Variants in FUT9 observed in about 807,000 individuals in gnomAD.
FUT9 encodes the protein 4-galactosyl-N-acetylglucosaminide 3-alpha-L-fucosyltransferase 9.
Under a neutral mutation model 29.7 loss-of-function variants are expected in FUT9, and 15 were observed. The observed-to-expected ratio is 0.51, with a 90% CI of 0.34 to 0.78. The LOEUF (loss-of-function observed/expected upper bound fraction) is 0.78. Among genes scored for constraint, FUT9 ranks in the 30% least tolerant of loss-of-function variants. The pLI is 0.01. For missense variants in FUT9, 319 were observed against 425.4 expected, an observed-to-expected ratio of 0.75 and a Z score of 2.20; for synonymous variants, 169 against 153.7, an observed-to-expected ratio of 1.10 and a Z score of -0.74.
At chr6:96,169,336 G>A (rs970432901) in intron 2 of FUT9, among the ~76,000 whole-genome samples, 1 of 152,130 alleles carries the variant, frequency 6.6e-6, no homozygotes, top group Non-Finnish European at 1.5e-5. Context: ...TCATTATCAT[G>A]GAGGATAAGG....
chr6:96,159,324 G>T (rs1772852040), intron 2 of FUT9, among the ~76,000 whole-genome samples: 1 of 152,046 alleles, frequency 6.6e-6, no homozygotes, highest in South Asian at 2.1e-4. Flanking sequence ...AATTGATGTT[G>T]ATCCCTCTGA....
rs540105644 is a variant in FUT9 at position 96,139,189 on chromosome 6, C to A, written c.-9+25062C>A. ...ACCTGTTCCAAGTGGGAGAAAATGG[C>A]CAAAATGAAGGGCCTGCAGGCCCCA... On this transcript the variant is annotated intron_variant, in intron 2 of 2. Coordinates refer to ENST00000302103, the MANE Select transcript of FUT9 (RefSeq NM_006581.4). 3.7e-4 allele frequency among the ~76,000 whole-genome samples: 57 copies of A among 152,138 alleles called. No homozygotes were observed. In the South Asian group the frequency reaches 0.011, roughly 31 times the overall value.
Position 96,066,368 on chromosome 6 carries a change from A to G in FUT9, c.-97-47671A>G, listed in dbSNP as rs80313041. Among the ~76,000 whole-genome samples the G allele has an allele frequency of 9.6e-3, 1,464 of 152,108 alleles. 16 individuals carry two copies. The highest frequency in any genetic ancestry group is 0.015 in the Non-Finnish European group (1,003 of 67,946). The stretch of plus-strand genomic sequence containing the variant: ...AAAATCTAGAACTAAGGGGAATGAT[A>G]ATCAGAATTATTTTATTATAAGCAT... On this transcript the variant is annotated intron_variant, in intron 1 of 2. Coordinates refer to ENST00000302103, the MANE Select transcript of FUT9 (RefSeq NM_006581.4).
intron 1 of FUT9, among the ~76,000 whole-genome samples, chr6:96,036,266 A>T (rs1770363963): frequency 6.6e-6 from 1 of 151,226 alleles, no homozygotes; most frequent in South Asian, 2.1e-4. Context: ...GTTCTTTAAA[A>T]TAATATTTGA....
chr6:96,142,860 A>C (rs1772490646), intron 2 of FUT9, among the ~76,000 whole-genome samples: 2 of 152,106 alleles, frequency 1.3e-5, no homozygotes, highest in Non-Finnish European at 2.9e-5. Context: ...AAGAGCATAT[A>C]GTGGAGAATA....
At chr6:96,188,666 A>C (rs1773448388) in intron 2 of FUT9, among the ~76,000 whole-genome samples, 1 of 149,804 alleles carries the variant, frequency 6.7e-6, no homozygotes, top group African/African-American at 2.4e-5. Context: ...TGTGTGTTTA[A>C]ACACATGCAC....
intron 2 of FUT9, among the ~76,000 whole-genome samples, chr6:96,153,710 G>GAT (rs1562144693): frequency 6.6e-6 from 1 of 152,134 alleles, no homozygotes; most frequent in African/African-American, 2.4e-5. Context: ...AACCTCCTGA[G>GAT]ATCTCTCATT....
intron 1 of FUT9, among the ~76,000 whole-genome samples, chr6:96,065,165 C>A (rs939332836): frequency 6.6e-6 from 1 of 152,092 alleles, no homozygotes; most frequent in Non-Finnish European, 1.5e-5. Context: ...TCTAGGTAGA[C>A]TTGGCCAAAT....
rs570872346 is a variant in FUT9, at chr6:96,203,392, T to C, written c.237T>C (p.Leu79=). 9 of 1,611,336 alleles carry C rather than the reference T, an allele frequency of 5.6e-6. No individual in the cohort carries two copies. The Admixed American group carries it at 6.7e-5, about 12-fold the overall frequency. The change falls in exon 3 of 3, where the codon CTT becomes CTC. Residue 79 remains leucine (L), a synonymous_variant. Transcript: ENST00000302103. ...WVWPFGQTFD[L]TSCQAMFNIQ... is the part of the protein sequence containing the mutation. ...GGCCATTTGGGCAGACCTTTGACCTTACATCCTGCCAAGCAATGTTCAACA... is the reference window on the plus strand; with the variant it reads ...GGCCATTTGGGCAGACCTTTGACCTCACATCCTGCCAAGCAATGTTCAACA...
At chr6:96,142,936 A>G (rs1772491797) in intron 2 of FUT9, among the ~76,000 whole-genome samples, 1 of 152,138 alleles carries the variant, frequency 6.6e-6, no homozygotes, top group Admixed American at 6.5e-5. Context: ...TAATTTTAAA[A>G]ACTATTTTTA....
rs538212710 is a variant in FUT9, at chr6:96,099,608, A to T, written c.-97-14431A>T. Among the ~76,000 whole-genome samples the T allele has an allele frequency of 1.2e-3, 182 of 152,292 alleles. 1 individual carries two copies. Among genetic ancestry groups the T allele is most frequent in the African/African-American group, 4.2e-3 (174 of 41,576 alleles). On this transcript the variant is annotated intron_variant, in intron 1 of 2. Coordinates refer to ENST00000302103, the MANE Select transcript of FUT9 (RefSeq NM_006581.4). ...AAAATCACAGTGTTCCTGAATATTT[A>T]TGCAATCTTCTATATAAAATTTACT...
At chr6:96,021,063 A>G (rs921596347) in intron 1 of FUT9, 1 of 152,072 alleles carries the variant, frequency 6.6e-6, no homozygotes, top group Non-Finnish European at 1.5e-5. Context: ...ATGAGACACC[A>G]GCTGCTTTAA....
chr6:96,121,137 A>G (rs1772019954), intron 2 of FUT9, among the ~76,000 whole-genome samples: 1 of 152,182 alleles, frequency 6.6e-6, no homozygotes, highest in East Asian at 1.9e-4. Flanking sequence ...TAAAAAATTA[A>G]CATTAATTTA....
chr6:96,049,490 C>T (rs1462105436), intron 1 of FUT9, among the ~76,000 whole-genome samples: 1 of 152,216 alleles, frequency 6.6e-6, no homozygotes, highest in African/African-American at 2.4e-5. Context: ...TTTCTTACAT[C>T]TTCCACATCT....
intron 2 of FUT9, among the ~76,000 whole-genome samples, chr6:96,201,291 C>G (rs575131366): frequency 6.6e-6 from 1 of 151,880 alleles, no homozygotes; most frequent in Non-Finnish European, 1.5e-5. Flanking sequence ...AATTTTTCAA[C>G]ATAAAATTAC....
intron 2 of FUT9, among the ~76,000 whole-genome samples, chr6:96,197,006 T>C (rs1300736727): frequency 6.6e-6 from 1 of 152,142 alleles, no homozygotes. Flanking sequence ...TTCTAGTTTC[T>C]ACTGCTTGCT....
intron 1 of FUT9, among the ~76,000 whole-genome samples, chr6:96,068,455 T>C (rs1265792783): frequency 6.6e-6 from 1 of 152,200 alleles, no homozygotes; most frequent in Non-Finnish European, 1.5e-5. Context: ...AATTCTATAA[T>C]AATAGTATGA....
At chr6:96,175,469 G>A (rs982287453) in intron 2 of FUT9, among the ~76,000 whole-genome samples, 2 of 152,106 alleles carry the variant, frequency 1.3e-5, no homozygotes, top group Non-Finnish European at 2.9e-5. Context: ...TAATGGTCTC[G>A]ATGCTAAATA....
chr6:96,165,276 A>G (rs985501860), intron 2 of FUT9, among the ~76,000 whole-genome samples: 2 of 151,826 alleles, frequency 1.3e-5, no homozygotes, highest in African/African-American at 4.8e-5. Context: ...TACTAAAAAT[A>G]CAAAATTAGC....
Sources: gnomAD v4.1 joint callset for allele counts (sites outside exome capture counted in the v4.1 genomes callset) on GRCh38, gnomAD v4.1.1 for gene constraint, MANE v1.5 for transcripts, NCBI Gene and HGNC (gene_info 2026-07-23, HGNC 2026-07-21) for gene names.